Variants in ATOSA observed in about 807,000 individuals in gnomAD.
ATOSA encodes the protein atos homolog protein A.
the ATOSA span, among the ~76,000 whole-genome samples, chr15:52,681,823 T>G: frequency 1.3e-5 from 2 of 152,228 alleles, no homozygotes; most frequent in East Asian, 3.8e-4. Context: ...GGGTGGTGTA[T>G]GATCAATCTG....
At chr15:52,660,896 C>T in the ATOSA span, among the ~76,000 whole-genome samples, 5 of 152,192 alleles carry the variant, frequency 3.3e-5, no homozygotes, top group Admixed American at 2.0e-4. Context: ...TCAGGTGATC[C>T]ACCCGCCTTG....
chr15:52,588,010 T>G, the ATOSA span, among the ~76,000 whole-genome samples: 1 of 152,196 alleles, frequency 6.6e-6, no homozygotes, highest in Non-Finnish European at 1.5e-5. Context: ...GAGAGCTGAT[T>G]TGAGTCAAGG....
chr15:52,705,607 C>G, the ATOSA span, among the ~76,000 whole-genome samples: 3 of 152,088 alleles, frequency 2.0e-5, no homozygotes, highest in South Asian at 6.2e-4. Flanking sequence ...TGAGGTATAA[C>G]AGGTACACTG....
At chr15:52,648,183 C>T in the ATOSA span, among the ~76,000 whole-genome samples, 1 of 152,084 alleles carries the variant, frequency 6.6e-6, no homozygotes, top group African/African-American at 2.4e-5. Context: ...TAAGTAGTTT[C>T]GCACATTCTT....
the ATOSA span, chr15:52,587,098 C>A: frequency 1.2e-6 from 2 of 1,609,476 alleles, no homozygotes; most frequent in South Asian, 2.2e-5. Flanking sequence ...GGGCTAAGTT[C>A]TATATGTATG....
chr15:52,604,089 C>A, the ATOSA span, among the ~76,000 whole-genome samples: 1 of 152,164 alleles, frequency 6.6e-6, no homozygotes, highest in African/African-American at 2.4e-5. Flanking sequence ...ATCACACGTA[C>A]CCTGTAAATA....
the ATOSA span, among the ~76,000 whole-genome samples, chr15:52,669,933 A>T: frequency 6.6e-6 from 1 of 152,206 alleles, no homozygotes; most frequent in Non-Finnish European, 1.5e-5. Context: ...TTTGGGCAAC[A>T]TCTCACCACT....
the ATOSA span, chr15:52,582,282 T>C: frequency 6.3e-7 from 1 of 1,586,180 alleles, no homozygotes; most frequent in African/African-American, 1.4e-5. Flanking sequence ...TGGAGGTAGA[T>C]CTTTCCAGAT....
chr15:52,642,793 T>C, the ATOSA span, among the ~76,000 whole-genome samples: 2 of 152,114 alleles, frequency 1.3e-5, no homozygotes, highest in Non-Finnish European at 2.9e-5. Flanking sequence ...TAATGAGAGA[T>C]GGGTGAAAAA....
At chr15:52,698,112 G>A in the ATOSA span, among the ~76,000 whole-genome samples, 1 of 151,680 alleles carries the variant, frequency 6.6e-6, no homozygotes, top group Admixed American at 6.6e-5. Flanking sequence ...GAGTAGCTGG[G>A]ACTACAGGCG....
the ATOSA span, chr15:52,587,180 G>A: frequency 6.2e-7 from 1 of 1,613,380 alleles, no homozygotes; most frequent in Non-Finnish European, 8.5e-7. Context: ...GGAGGTACTC[G>A]ATAACCCCTT....
At chr15:52,653,794 C>A in the ATOSA span, among the ~76,000 whole-genome samples, 3 of 152,192 alleles carry the variant, frequency 2.0e-5, no homozygotes, top group Non-Finnish European at 4.4e-5. Context: ...CTCCAACACA[C>A]TGTAAGTGCT....
chr15:52,601,290 A>C, the ATOSA span: 1 of 600,878 alleles, frequency 1.7e-6, no homozygotes, highest in South Asian at 2.4e-5. Context: ...CTCCTATAAT[A>C]GCTTATTTAA....
chr15:52,670,525 G>A, the ATOSA span, among the ~76,000 whole-genome samples: 2 of 152,188 alleles, frequency 1.3e-5, no homozygotes, highest in South Asian at 2.1e-4. Context: ...ATTATAGTAC[G>A]CTGCTAAAAG....
the ATOSA span, chr15:52,611,066 C>A: frequency 6.7e-7 from 1 of 1,501,338 alleles, no homozygotes; most frequent in South Asian, 1.4e-5. Flanking sequence ...AGGTAAAATG[C>A]CATTCGGTTG....
chr15:52,682,382 G>C, the ATOSA span, among the ~76,000 whole-genome samples: 1 of 152,116 alleles, frequency 6.6e-6, no homozygotes, highest in Non-Finnish European at 1.5e-5. Context: ...GGATTATTAG[G>C]GTAGATTCCA....
chr15:52,680,020 A>C, the ATOSA span, among the ~76,000 whole-genome samples: 70 of 150,676 alleles, frequency 4.6e-4, no homozygotes, highest in African/African-American at 1.7e-3. Flanking sequence ...GGATTTTAGT[A>C]GGATTCAGAA....
chr15:52,588,352 G>T, the ATOSA span, among the ~76,000 whole-genome samples: 1 of 152,148 alleles, frequency 6.6e-6, no homozygotes, highest in African/African-American at 2.4e-5. Context: ...AGTTCAAATT[G>T]AATGTGTAAA....
the ATOSA span, among the ~76,000 whole-genome samples, chr15:52,685,849 A>G: frequency 6.6e-6 from 1 of 152,134 alleles, no homozygotes; most frequent in Non-Finnish European, 1.5e-5. Context: ...GTAGGCCTAC[A>G]GCCGCCCATC....
Sources: gnomAD v4.1 joint callset for allele counts (sites outside exome capture counted in the v4.1 genomes callset) on GRCh38, gnomAD v4.1.1 for gene constraint, MANE v1.5 for transcripts, NCBI Gene and HGNC (gene_info 2026-07-23, HGNC 2026-07-21) for gene names.